PRKG1: variants seen among roughly 807,000 people sequenced by gnomAD.
The protein encoded by PRKG1 is cGMP-dependent protein kinase 1.
A neutral mutation model predicts 88.1 loss-of-function variants in PRKG1; 35 were observed. The observed-to-expected ratio is 0.40, with a 90% CI of 0.30 to 0.53. The LOEUF (loss-of-function observed/expected upper bound fraction) is 0.53, where lower values mean the gene tolerates loss of function less well. Among genes scored for constraint, PRKG1 ranks in the 20% least tolerant of loss-of-function variants. The pLI, the probability that PRKG1 is intolerant of heterozygous loss-of-function variation, is 0.59. For synonymous variants in PRKG1, 303 were observed against 292.5 expected, an observed-to-expected ratio of 1.04 and a Z score of -0.37; for missense variants, 540 against 839.8, an observed-to-expected ratio of 0.64 and a Z score of 4.41.
chr10:51,376,394 A>G (rs1842817273), intron 2 of PRKG1, among the ~76,000 whole-genome samples: 1 of 152,152 alleles, frequency 6.6e-6, no homozygotes, highest in Non-Finnish European at 1.5e-5. Flanking sequence ...TTAGGGATTC[A>G]TTTTTAATGA....
At chr10:51,019,075 G>A (rs934072267) in intron 1 of PRKG1, among the ~76,000 whole-genome samples, 19 of 152,160 alleles carry the variant, frequency 1.2e-4, no homozygotes, top group African/African-American at 4.6e-4. Flanking sequence ...GAACTCTATA[G>A]CTGGAAGGTT....
At chr10:51,687,956 T>G (rs1841036980) in intron 3 of PRKG1, among the ~76,000 whole-genome samples, 1 of 152,216 alleles carries the variant, frequency 6.6e-6, no homozygotes, top group African/African-American at 2.4e-5. Context: ...GTCTGCTTGC[T>G]TGTCCAATGT....
intron 3 of PRKG1, among the ~76,000 whole-genome samples, chr10:51,543,358 G>A (rs1043312869): frequency 6.6e-6 from 1 of 152,156 alleles, no homozygotes; most frequent in Admixed American, 6.6e-5. Context: ...AAACACCATA[G>A]AAATGTCTGG....
intron 5 of PRKG1, among the ~76,000 whole-genome samples, chr10:51,999,334 A>G (rs1382722581): frequency 6.6e-6 from 1 of 152,166 alleles, no homozygotes; most frequent in East Asian, 1.9e-4. Flanking sequence ...CTGTTAAGTG[A>G]CTCACTATTA....
At chr10:51,078,773 C>T (rs1233641530) in intron 1 of PRKG1, among the ~76,000 whole-genome samples, 8 of 151,876 alleles carry the variant, frequency 5.3e-5, no homozygotes, top group African/African-American at 7.2e-5. Context: ...CCAGCCACCA[C>T]GCCCGGCTAA....
At position 52,209,035 on chromosome 10, in the gene PRKG1, C is replaced by T. The variant is rs147053969; in HGVS notation, c.1077-42535C>T. On this transcript the variant is annotated intron_variant, in intron 9 of 17. Coordinates refer to ENST00000373980, the MANE Select transcript of PRKG1 (RefSeq NM_006258.4). ...CTTAAGAGCGAGAAAATGATTTCAG[C>T]ACATTTCTAACTATATTATATTTGG... 6.4e-4 allele frequency among the ~76,000 whole-genome samples: 98 copies of T among 152,214 alleles called. 1 individual carries two copies. Among genetic ancestry groups the T allele is most frequent in the South Asian group, 1.4e-3 (7 of 4,830 alleles).
At chr10:52,157,310 T>G (rs1409850296) in intron 8 of PRKG1, among the ~76,000 whole-genome samples, 648 of 43,118 alleles carry the variant, frequency 0.015, 7 homozygotes, top group African/African-American at 0.047. Context: ...TTAGTTGATA[T>G]ATATATATAT....
At chr10:51,980,972 C>T (rs1024266230) in intron 5 of PRKG1, among the ~76,000 whole-genome samples, 1 of 152,022 alleles carries the variant, frequency 6.6e-6, no homozygotes, top group Non-Finnish European at 1.5e-5. Flanking sequence ...GGACATTTAG[C>T]CTGTTTACAT....
intron 4 of PRKG1, among the ~76,000 whole-genome samples, chr10:51,891,631 G>A (rs975532576): frequency 1.3e-5 from 2 of 152,166 alleles, no homozygotes; most frequent in African/African-American, 4.8e-5. Flanking sequence ...GGTAATAGGA[G>A]CCTAGGACTG....
chr10:52,058,954 C>T (rs1022287502), intron 6 of PRKG1, among the ~76,000 whole-genome samples: 2 of 151,512 alleles, frequency 1.3e-5, no homozygotes, highest in African/African-American at 2.4e-5. Context: ...TTTAAAAAAA[C>T]ACCTAAAAAT....
intron 1 of PRKG1, among the ~76,000 whole-genome samples, chr10:51,045,265 A>G (rs890783616): frequency 1.3e-5 from 2 of 152,144 alleles, no homozygotes; most frequent in Non-Finnish European, 2.9e-5. Context: ...ATATACATAC[A>G]TTTCAAATAA....
intron 5 of PRKG1, among the ~76,000 whole-genome samples, chr10:51,999,742 A>C (rs1229393545): frequency 2.0e-5 from 3 of 152,116 alleles, no homozygotes. Flanking sequence ...TTAAAGAATT[A>C]AATTTATAAA....
At chr10:51,748,365 G>T (rs185081236) in intron 3 of PRKG1, among the ~76,000 whole-genome samples, 1 of 152,220 alleles carries the variant, frequency 6.6e-6, no homozygotes, top group African/African-American at 2.4e-5. Context: ...ATATACTAAT[G>T]GTGCTGAAGG....
chr10:51,207,903 G>C (rs1288056885), intron 2 of PRKG1, among the ~76,000 whole-genome samples: 1 of 152,072 alleles, frequency 6.6e-6, no homozygotes, highest in Non-Finnish European at 1.5e-5. Context: ...TTGCATGATA[G>C]TTACAGTGTA....
At chr10:51,012,816 G>A (rs1165801511) in intron 1 of PRKG1, among the ~76,000 whole-genome samples, 5 of 152,240 alleles carry the variant, frequency 3.3e-5, no homozygotes. Context: ...GAAAATAAAA[G>A]GGAGAGGGAA....
At chr10:51,149,328 A>C (rs925274025) in intron 1 of PRKG1, among the ~76,000 whole-genome samples, 1 of 152,148 alleles carries the variant, frequency 6.6e-6, no homozygotes, top group Admixed American at 6.6e-5. Context: ...TAGCTTAAGA[A>C]AAACTAATGG....
intron 5 of PRKG1, among the ~76,000 whole-genome samples, chr10:51,924,057 G>A (rs1842520547): frequency 6.6e-6 from 1 of 151,976 alleles, no homozygotes; most frequent in South Asian, 2.1e-4. Context: ...TTGAACTCCT[G>A]GATGTAAGCA....
intron 5 of PRKG1, chr10:51,909,884 G>C (rs6480572): frequency 0.75 from 114,313 of 152,244 alleles, 43,435 homozygotes; most frequent in African/African-American, 0.87. Context: ...AAGAACAGAA[G>C]ATATTACTGA....
At chr10:51,131,405 T>C (rs962062863) in intron 1 of PRKG1, among the ~76,000 whole-genome samples, 2 of 152,312 alleles carry the variant, frequency 1.3e-5, no homozygotes, top group East Asian at 3.9e-4. Context: ...TTAGTTAAAA[T>C]AGACATATAA....
Sources: allele counts gnomAD v4.1 joint callset (sites outside exome capture counted in the v4.1 genomes callset), GRCh38; gene constraint gnomAD v4.1.1; transcripts MANE v1.5; gene names NCBI Gene and HGNC (gene_info 2026-07-23, HGNC 2026-07-21).